RSPH9: variants seen among roughly 807,000 people sequenced by gnomAD.
RSPH9 encodes radial spoke head protein 9 homolog.
Under a neutral mutation model 27.0 loss-of-function variants are expected in RSPH9, and 27 were observed. The observed-to-expected ratio is 1.00, with a 90% CI of 0.74 to 1.38. The LOEUF (loss-of-function observed/expected upper bound fraction) is 1.38. RSPH9 is among the 40% of genes most tolerant of loss of function. The pLI, the probability that RSPH9 is intolerant of heterozygous loss-of-function variation, is 0.00. For missense variants in RSPH9, 347 were observed against 357.4 expected (o/e 0.97, Z 0.24); for synonymous variants, 145 against 147.7 (o/e 0.98, Z 0.13).
Position 43,656,651 on chromosome 6 carries a change from ACCTTGC to A in RSPH9, c.599_604del (p.Thr200_Leu202delinsIle). 2 of 1,614,098 alleles carry A rather than the reference ACCTTGC, an allele frequency of 1.2e-6. No individual in the cohort carries two copies. Among genetic ancestry groups the A allele is most frequent in the Non-Finnish European group, 1.7e-6 (2 of 1,179,994 alleles). ...GGAGCCTGTTGAGCTAAAGAATAAG[ACCTTGC>A]TTGAGAAGGCTGACCTGGACCCCTC... On this transcript the variant is annotated inframe_deletion, in exon 4 of 5. Transcript: ENST00000372163.
intron 4 of RSPH9, among the ~76,000 whole-genome samples, chr6:43,659,527 C>T (rs1168556141): frequency 2.0e-5 from 3 of 149,370 alleles, no homozygotes; most frequent in African/African-American, 4.9e-5. Context: ...GGACTACAGG[C>T]GCCCGCCGCC....
At chr6:43,666,852 A>G (rs932701419) in intron 4 of RSPH9, among the ~76,000 whole-genome samples, 3 of 152,142 alleles carry the variant, frequency 2.0e-5, no homozygotes, top group Non-Finnish European at 4.4e-5. Flanking sequence ...GGTTCAAGCA[A>G]TTCTCCTGCC....
chr6:43,655,725 G>T (rs760945438), intron 3 of RSPH9, 34 bp downstream of exon 3: 1 of 1,613,644 alleles, frequency 6.2e-7, no homozygotes, highest in Admixed American at 1.7e-5. Flanking sequence ...AAGGGCTGGG[G>T]GTATCTTTTC....
chr6:43,663,694 A>C (rs1387922925), intron 4 of RSPH9, among the ~76,000 whole-genome samples: 2 of 152,166 alleles, frequency 1.3e-5, no homozygotes, highest in East Asian at 3.8e-4. Context: ...GTAACATCAA[A>C]GATCACTGAT....
intron 2 of RSPH9, 80 bp from the exon 3 acceptor site, chr6:43,655,482 G>A: frequency 6.5e-7 from 1 of 1,540,612 alleles, no homozygotes; most frequent in South Asian, 1.1e-5. Context: ...GTGCGGGTGA[G>A]ATGGCCGTGC....
intron 4 of RSPH9, 146 bp downstream of exon 4, chr6:43,656,869 C>A: frequency 1.2e-6 from 1 of 832,680 alleles, no homozygotes; most frequent in Non-Finnish European, 2.0e-6. Flanking sequence ...TGGAGCTTCC[C>A]CAGGGCCCAG....
At chr6:43,645,657 G>T (rs1380755880) in intron 1 of RSPH9, among the ~76,000 whole-genome samples, 1 of 151,770 alleles carries the variant, frequency 6.6e-6, no homozygotes, top group Non-Finnish European at 1.5e-5. Flanking sequence ...AAACTTACAT[G>T]CGGATGGGTT....
intron 2 of RSPH9, among the ~76,000 whole-genome samples, chr6:43,653,446 C>CA (rs79873267): frequency 0.061 from 4,546 of 75,044 alleles, 333 homozygotes; most frequent in African/African-American, 0.15. Flanking sequence ...GACTCCGTCT[C>CA]AAAAAAAAAA....
At position 43,671,646 on chromosome 6, in the gene RSPH9, G is replaced by A. The variant is rs1773701002; in HGVS notation, c.*697G>A. On this transcript the variant is annotated 3_prime_UTR_variant, in exon 5 of 5. Transcript: ENST00000372163. ...TGTCCCCTGTCCATGCATGTTGGAG[G>A]GACCAGGCCATCGTGGTGGGGTGGG... The A allele has an allele frequency of 1.6e-6, 2 of 1,241,566 alleles. No individual in the cohort carries two copies. Among genetic ancestry groups the A allele is most frequent in the African/African-American group, 3.0e-5 (2 of 67,456 alleles). The allele number at this position is 1,241,566 out of a possible 1,614,324, so 76.9% of individuals were successfully genotyped here.
intron 4 of RSPH9, among the ~76,000 whole-genome samples, chr6:43,657,763 G>A (rs1393622121): frequency 6.6e-6 from 1 of 152,126 alleles, no homozygotes; most frequent in African/African-American, 2.4e-5. Context: ...CCATTTCCCT[G>A]TGCCTCAGTT....
chr6:43,655,955 C>A (rs2127907700), intron 3 of RSPH9, among the ~76,000 whole-genome samples: 1 of 152,046 alleles, frequency 6.6e-6, no homozygotes, highest in East Asian at 1.9e-4. Flanking sequence ...TGGGTCTGGG[C>A]TACCTGCCTT....
At chr6:43,662,190 C>T (rs1457645628) in intron 4 of RSPH9, among the ~76,000 whole-genome samples, 1 of 152,058 alleles carries the variant, frequency 6.6e-6, no homozygotes, top group South Asian at 2.1e-4. Flanking sequence ...ATGAACTAAC[C>T]TTTGTTAGCT....
At chr6:43,669,596 C>T (rs913297932) in intron 4 of RSPH9, among the ~76,000 whole-genome samples, 8 of 152,370 alleles carry the variant, frequency 5.3e-5, no homozygotes, top group Middle Eastern at 3.4e-3. Context: ...AAGCTCTCAG[C>T]GCATGGCTGG....
At chr6:43,660,015 G>C (rs35289332) in intron 4 of RSPH9, among the ~76,000 whole-genome samples, 1 of 148,224 alleles carries the variant, frequency 6.7e-6, no homozygotes, top group African/African-American at 2.5e-5. Flanking sequence ...GATTACAGGC[G>C]TGAGCCACCA....
Position 43,650,371 on chromosome 6 carries a change from G to A in RSPH9, c.228-4G>A, listed in dbSNP as rs199710227. The A allele has an allele frequency of 6.2e-7, 1 of 1,612,894 alleles. No individual in the cohort carries two copies. Among genetic ancestry groups the A allele is most frequent in the Non-Finnish European group, 8.5e-7 (1 of 1,179,996 alleles). ...TCCAGGGGTGATGTGAATATTGTTGGCAGCCTGAACTGCACAGAGTGGAGC... is the reference window on the plus strand; with the variant it reads ...TCCAGGGGTGATGTGAATATTGTTGACAGCCTGAACTGCACAGAGTGGAGC... On this transcript the variant is annotated splice_polypyrimidine_tract_variant and splice_region_variant and intron_variant, in intron 1 of 4. Transcript: ENST00000372163.
chr6:43,663,804 C>T (rs1479736475), intron 4 of RSPH9, among the ~76,000 whole-genome samples: 2 of 151,768 alleles, frequency 1.3e-5, no homozygotes, highest in African/African-American at 2.4e-5. Context: ...CCGAGGTGGG[C>T]GGATCACTAA....
In RSPH9 at chr6:43,671,155, A is replaced by G. The variant is rs909606357; in HGVS notation, c.*206A>G. ...TGTGCTAATGAAAGAGATTCTAGAC[A>G]ACGATGGGTGGAAATGGCTGTGGGA... On this transcript the variant is annotated 3_prime_UTR_variant, in exon 5 of 5. Coordinates refer to ENST00000372163, the MANE Select transcript of RSPH9 (RefSeq NM_152732.5). The G allele has an allele frequency of 3.2e-6, 2 of 630,318 alleles. No homozygotes were observed. Among genetic ancestry groups the G allele is most frequent in the Non-Finnish European group, 5.5e-6 (2 of 363,084 alleles). The allele number at this position is 630,318 out of a possible 1,614,324, so 39.0% of individuals were successfully genotyped here.
chr6:43,668,170 C>T (rs1561945699), intron 4 of RSPH9, among the ~76,000 whole-genome samples: 3 of 152,184 alleles, frequency 2.0e-5, no homozygotes, highest in South Asian at 2.1e-4. Context: ...GGCTTTTCCC[C>T]GAGTCCTGGA....
At chr6:43,655,712 C>A in intron 3 of RSPH9, 21 bp downstream of exon 3, 1 of 1,614,150 alleles carries the variant, frequency 6.2e-7, no homozygotes, top group South Asian at 1.1e-5. Context: ...TGGGGCCCCT[C>A]TCAAGGGCTG....
Sources: allele counts gnomAD v4.1 joint callset (sites outside exome capture counted in the v4.1 genomes callset), GRCh38; gene constraint gnomAD v4.1.1; transcripts MANE v1.5; gene names NCBI Gene and HGNC (gene_info 2026-07-23, HGNC 2026-07-21).